The following RNF150 variants were observed in gnomAD, a reference collection of about 807,000 sequenced individuals.
RNF150 encodes ring finger protein 150.
A neutral mutation model predicts 39.3 loss-of-function variants in RNF150; 24 were observed. The observed-to-expected ratio is 0.61, with a 90% CI of 0.44 to 0.86. The LOEUF is 0.86. Ranked by LOEUF, RNF150 falls within the 40% of genes least tolerant of loss-of-function variation. The pLI is 0.00. For synonymous variants in RNF150, 255 were observed against 227.3 expected (o/e 1.12, Z -1.10); for missense variants, 502 against 587.8 (o/e 0.85, Z 1.51).
rs79015525 is a variant in RNF150 at position 140,904,208 on chromosome 4, C to T, written c.1198+6936G>A. ...GTGATGTTGCTCTAGGGACCTGGCA[C>T]GTTAAGAGTCACGGAAATGATTGTC... On this transcript the variant is annotated intron_variant, in intron 6 of 6. Coordinates refer to ENST00000515673, the MANE Select transcript of RNF150 (RefSeq NM_020724.2). Among the ~76,000 whole-genome samples the T allele has an allele frequency of 1.4e-3, 207 of 152,204 alleles. 2 individuals carry two copies. Among genetic ancestry groups the T allele is most frequent in the African/African-American group, 4.7e-3 (196 of 41,512 alleles).
intron 1 of RNF150, among the ~76,000 whole-genome samples, chr4:141,074,475 G>GA (rs1737821082): frequency 6.6e-6 from 1 of 151,934 alleles, no homozygotes; most frequent in African/African-American, 2.4e-5. Context: ...TGGTTCACAA[G>GA]AAAAAAACTG....
At chr4:141,035,210 T>G (rs1309535556) in intron 1 of RNF150, among the ~76,000 whole-genome samples, 1 of 152,144 alleles carries the variant, frequency 6.6e-6, no homozygotes, top group Admixed American at 6.5e-5. Flanking sequence ...CATACTGAAG[T>G]GTTTACTTAA....
chr4:141,075,954 A>G (rs1345337698), intron 1 of RNF150, among the ~76,000 whole-genome samples: 2 of 152,250 alleles, frequency 1.3e-5, no homozygotes. Context: ...GAAATAAAAT[A>G]AAAATAAATG....
At chr4:141,122,112 C>A (rs903656961) in intron 1 of RNF150, among the ~76,000 whole-genome samples, 1 of 152,164 alleles carries the variant, frequency 6.6e-6, no homozygotes, top group African/African-American at 2.4e-5. Flanking sequence ...AGAAAATGAG[C>A]CCCAGAGGAG....
At chr4:140,903,027 T>C (rs1245791548) in intron 6 of RNF150, among the ~76,000 whole-genome samples, 3 of 152,198 alleles carry the variant, frequency 2.0e-5, no homozygotes, top group Non-Finnish European at 2.9e-5. Flanking sequence ...TGCAAGACCT[T>C]GAACCTTTCT....
At chr4:140,955,417 G>A (rs1482501618) in intron 2 of RNF150, among the ~76,000 whole-genome samples, 1 of 152,068 alleles carries the variant, frequency 6.6e-6, no homozygotes, top group Non-Finnish European at 1.5e-5. Flanking sequence ...TCCTATTTTT[G>A]TCACTAGCTA....
chr4:140,906,496 G>A (rs977315082), intron 6 of RNF150, among the ~76,000 whole-genome samples: 9 of 152,154 alleles, frequency 5.9e-5, no homozygotes, highest in Admixed American at 5.9e-4. Context: ...TTGGGGGAAA[G>A]GGGGTATCAT....
At chr4:141,210,287 C>T (rs1728441496) in intron 1 of RNF150, among the ~76,000 whole-genome samples, 1 of 152,146 alleles carries the variant, frequency 6.6e-6, no homozygotes, top group Non-Finnish European at 1.5e-5. Flanking sequence ...TCACTGGAGT[C>T]AGGGAACACC....
intron 6 of RNF150, among the ~76,000 whole-genome samples, chr4:140,879,012 A>G (rs1279842149): frequency 6.6e-6 from 1 of 152,178 alleles, no homozygotes; most frequent in Non-Finnish European, 1.5e-5. Context: ...TTTTGACACT[A>G]TCCTTCCACC....
intron 1 of RNF150, among the ~76,000 whole-genome samples, chr4:141,183,770 T>A (rs1456107227): frequency 6.6e-6 from 1 of 152,170 alleles, no homozygotes; most frequent in East Asian, 1.9e-4. Context: ...TGGTTTTCTG[T>A]TCCTGTGTTA....
At chr4:141,142,564 G>C (rs1046918405) in intron 1 of RNF150, among the ~76,000 whole-genome samples, 1 of 152,192 alleles carries the variant, frequency 6.6e-6, no homozygotes, top group South Asian at 2.1e-4. Flanking sequence ...CCTTTACCCA[G>C]TATATTCTGG....
intron 1 of RNF150, among the ~76,000 whole-genome samples, chr4:141,146,036 T>C (rs1019483625): frequency 6.6e-6 from 1 of 152,252 alleles, no homozygotes; most frequent in Non-Finnish European, 1.5e-5. Flanking sequence ...TCCCTTTGCC[T>C]GTTACATTAC....
At chr4:141,124,113 C>T (rs1434371291) in intron 1 of RNF150, among the ~76,000 whole-genome samples, 1 of 152,236 alleles carries the variant, frequency 6.6e-6, no homozygotes, top group Non-Finnish European at 1.5e-5. Context: ...GCTCAGCCCT[C>T]TCTTGCTGAG....
intron 5 of RNF150, among the ~76,000 whole-genome samples, chr4:140,917,885 A>G (rs1459744658): frequency 6.6e-6 from 1 of 151,920 alleles, no homozygotes; most frequent in East Asian, 1.9e-4. Flanking sequence ...GGATTAAGAA[A>G]CTCACTCAAA....
At chr4:141,051,684 T>A (rs1007247395) in intron 1 of RNF150, among the ~76,000 whole-genome samples, 1 of 152,206 alleles carries the variant, frequency 6.6e-6, no homozygotes, top group Admixed American at 6.5e-5. Flanking sequence ...CTGGATTTCA[T>A]TGTTCATATC....
At chr4:141,197,756 T>C (rs996125816) in intron 1 of RNF150, among the ~76,000 whole-genome samples, 1 of 151,820 alleles carries the variant, frequency 6.6e-6, no homozygotes. Flanking sequence ...TGGGTACCTG[T>C]AGTCCCAGCT....
chr4:141,093,972 A>G (rs1738685871), intron 1 of RNF150, among the ~76,000 whole-genome samples: 1 of 152,214 alleles, frequency 6.6e-6, no homozygotes, highest in Non-Finnish European at 1.5e-5. Flanking sequence ...ACAAAAAGCA[A>G]ATTTGCAGAA....
intron 1 of RNF150, among the ~76,000 whole-genome samples, chr4:141,027,467 C>A (rs1041758777): frequency 1.3e-5 from 2 of 152,168 alleles, no homozygotes; most frequent in African/African-American, 2.4e-5. Context: ...TCTTCCTCTG[C>A]CAAGCTCCTA....
intron 1 of RNF150, among the ~76,000 whole-genome samples, chr4:141,052,117 G>A (rs1403465056): frequency 6.6e-6 from 1 of 152,024 alleles, no homozygotes; most frequent in Non-Finnish European, 1.5e-5. Flanking sequence ...GAACAGTGCA[G>A]AAAAGACCCA....
Sources: gnomAD v4.1 joint callset for allele counts (sites outside exome capture counted in the v4.1 genomes callset) on GRCh38, gnomAD v4.1.1 for gene constraint, MANE v1.5 for transcripts, NCBI Gene and HGNC (gene_info 2026-07-23, HGNC 2026-07-21) for gene names.